CALD1: variants seen among roughly 807,000 people sequenced by gnomAD.
CALD1 encodes the protein caldesmon 1, also known as caldesmon.
CALD1 carries 33 observed loss-of-function variants against 99.9 expected under a neutral mutation model. The ratio of observed to expected loss-of-function variants is 0.33; its 90% CI spans 0.25 to 0.44. CALD1 has a LOEUF of 0.44. CALD1 is among the 20% of genes least tolerant of loss of function. The pLI is 1.00. For missense variants in CALD1, 861 were observed against 962.1 expected, an observed-to-expected ratio of 0.89 and a Z score of 1.39; for synonymous variants, 310 against 325.0, an observed-to-expected ratio of 0.95 and a Z score of 0.50.
At chr7:134,913,102 TA>T (rs1330818474) in intron 3 of CALD1, among the ~76,000 whole-genome samples, 1 of 151,940 alleles carries the variant, frequency 6.6e-6, no homozygotes, top group Non-Finnish European at 1.5e-5. Context: ...CCGTCTCTAC[TA>T]AAAAAATACA....
intron 3 of CALD1, among the ~76,000 whole-genome samples, chr7:134,893,281 C>A (rs1287055186): frequency 6.6e-6 from 1 of 152,126 alleles, no homozygotes; most frequent in East Asian, 1.9e-4. Context: ...TGATCCAGCC[C>A]CCTACAGCCC....
intron 1 of CALD1, among the ~76,000 whole-genome samples, chr7:134,795,986 C>G (rs972977728): frequency 6.6e-6 from 1 of 152,066 alleles, no homozygotes; most frequent in African/African-American, 2.4e-5. Flanking sequence ...TTGTTTTTTA[C>G]TTTTTTAAAC....
intron 5 of CALD1, among the ~76,000 whole-genome samples, chr7:134,935,369 C>T (rs1805880391): frequency 6.6e-6 from 1 of 152,180 alleles, no homozygotes; most frequent in Non-Finnish European, 1.5e-5. Flanking sequence ...TGCTTCTGTA[C>T]AAGAGGCTCA....
At chr7:134,881,303 CT>C (rs1368590859) in intron 3 of CALD1, among the ~76,000 whole-genome samples, 4 of 152,140 alleles carry the variant, frequency 2.6e-5, no homozygotes, top group East Asian at 1.9e-4. Context: ...AACTCTGGCA[CT>C]TTTTTTCTTT....
intron 3 of CALD1, among the ~76,000 whole-genome samples, chr7:134,875,598 T>C (rs1210311494): frequency 2.0e-5 from 3 of 152,124 alleles, no homozygotes; most frequent in Non-Finnish European, 4.4e-5. Context: ...GATCACGCCA[T>C]TGCACTCCAG....
the CALD1 span, among the ~76,000 whole-genome samples, chr7:134,727,396 T>G: frequency 2.0e-5 from 3 of 152,348 alleles, no homozygotes; most frequent in East Asian, 5.8e-4. Flanking sequence ...GAACAAAATT[T>G]TAACAAATGG....
chr7:134,784,039 A>G (rs1469681534), intron 1 of CALD1, among the ~76,000 whole-genome samples: 1 of 152,246 alleles, frequency 6.6e-6, no homozygotes, highest in East Asian at 1.9e-4. Context: ...AAGCAGCAGT[A>G]AGGGAATAGT....
At chr7:134,744,016 G>T, upstream of CALD1, among the ~76,000 whole-genome samples, 1 of 152,214 alleles carries the variant, frequency 6.6e-6, no homozygotes, top group Non-Finnish European at 1.5e-5. Flanking sequence ...AAAAATAAGC[G>T]GGCTGTGTTA....
chr7:134,743,604 A>G (rs1199515770), upstream of CALD1, among the ~76,000 whole-genome samples: 4 of 152,220 alleles, frequency 2.6e-5, no homozygotes, highest in East Asian at 7.7e-4. Flanking sequence ...CAATGACTCA[A>G]TTTAGCATTT....
At chr7:134,780,979 T>A (rs1585914536) in intron 1 of CALD1, among the ~76,000 whole-genome samples, 1 of 152,150 alleles carries the variant, frequency 6.6e-6, no homozygotes, top group East Asian at 1.9e-4. Context: ...TAGTTTGGGG[T>A]TGAGATTCAT....
At chr7:134,943,658 G>T (rs1052260130) in intron 7 of CALD1, among the ~76,000 whole-genome samples, 1 of 151,916 alleles carries the variant, frequency 6.6e-6, no homozygotes, top group Non-Finnish European at 1.5e-5. Flanking sequence ...TTATAAAAAC[G>T]CTCAGAAAAT....
At chr7:134,726,420 TATA>T in the CALD1 span, among the ~76,000 whole-genome samples, 87 of 133,454 alleles carry the variant, frequency 6.5e-4, 2 homozygotes, top group Non-Finnish European at 1.1e-3. Flanking sequence ...GCTTTATATA[TATA>T]ATATATATTA....
At chr7:134,963,063 A>C in intron 13 of CALD1, 1 of 360,156 alleles carries the variant, frequency 2.8e-6, no homozygotes, top group Non-Finnish European at 5.5e-6. Flanking sequence ...ATTTATGGGA[A>C]GTGCAATCCA....
intron 4 of CALD1, among the ~76,000 whole-genome samples, chr7:134,932,720 C>T (rs767400602): frequency 7.2e-5 from 11 of 152,180 alleles, no homozygotes; most frequent in African/African-American, 1.2e-4. Flanking sequence ...CTCAGGCTAT[C>T]AATTTTTGTT....
At chr7:134,897,391 T>C (rs1055359301) in intron 3 of CALD1, among the ~76,000 whole-genome samples, 70 of 147,392 alleles carry the variant, frequency 4.7e-4, no homozygotes, top group African/African-American at 1.6e-3. Flanking sequence ...TATATATAAA[T>C]ATATATATAT....
At chr7:134,839,938 TC>T (rs1563036386) in intron 1 of CALD1, among the ~76,000 whole-genome samples, 1 of 152,210 alleles carries the variant, frequency 6.6e-6, no homozygotes, top group Admixed American at 6.5e-5. Flanking sequence ...CTCTATTAGA[TC>T]ATCCATCTTT....
intron 1 of CALD1, among the ~76,000 whole-genome samples, chr7:134,808,103 CTT>C (rs35834412): frequency 2.0e-3 from 287 of 142,106 alleles, no homozygotes; most frequent in Non-Finnish European, 2.2e-3. Flanking sequence ...CCCATTCCAT[CTT>C]TTTTTTTTTT....
At position 134,793,683 on chromosome 7, in the gene CALD1, T is replaced by C. The variant is rs540352221; in HGVS notation, c.-130+13934T>C. Among the ~76,000 whole-genome samples the C allele has an allele frequency of 3.3e-5, 5 of 152,286 alleles. No homozygotes were observed. The East Asian group carries it at 7.7e-4, about 24-fold the overall frequency. On this transcript the variant is annotated intron_variant, in intron 1 of 14. Transcript: ENST00000361675. ...GTTGAAGAGGGAAAGAAGGGGCAGT[T>C]AATAATTTCCCTAAAATGCAGTCCC...
chr7:134,831,775 G>A (rs923286429), intron 1 of CALD1, among the ~76,000 whole-genome samples: 1 of 152,048 alleles, frequency 6.6e-6, no homozygotes, highest in Non-Finnish European at 1.5e-5. Context: ...AGTTACCGGC[G>A]GCGAATCTGT....
Sources: gnomAD v4.1 joint callset for allele counts (sites outside exome capture counted in the v4.1 genomes callset) on GRCh38, gnomAD v4.1.1 for gene constraint, MANE v1.5 for transcripts, NCBI Gene and HGNC (gene_info 2026-07-23, HGNC 2026-07-21) for gene names.